Variants in GPM6A observed in about 807,000 individuals in gnomAD.
The protein encoded by GPM6A is neuronal membrane glycoprotein M6-a.
In GPM6A, 7 loss-of-function variants were observed where a neutral mutation model predicts 32.1. That is an observed-to-expected ratio of 0.22 (90% CI 0.12 to 0.41). The LOEUF (loss-of-function observed/expected upper bound fraction) is 0.41. Among genes scored for constraint, GPM6A ranks in the 10% least tolerant of loss-of-function variants. GPM6A has a pLI of 1.00. For synonymous variants in GPM6A, 130 were observed against 123.4 expected (o/e 1.05, Z -0.35); for missense variants, 235 against 347.2 (o/e 0.68, Z 2.57).
chr4:175,722,916 G>A (rs1746219971), intron 1 of GPM6A, among the ~76,000 whole-genome samples: 1 of 151,742 alleles, frequency 6.6e-6, no homozygotes, highest in Non-Finnish European at 1.5e-5. Context: ...GGGCATGGTG[G>A]TACACACCTG....
intron 1 of GPM6A, among the ~76,000 whole-genome samples, chr4:175,861,790 G>T (rs892823429): frequency 1.0e-4 from 15 of 146,566 alleles, no homozygotes; most frequent in Middle Eastern, 3.6e-3. Flanking sequence ...ACATAAATCT[G>T]ATTGCTAGAG....
At chr4:175,948,918 T>C (rs1273420734) in intron 1 of GPM6A, among the ~76,000 whole-genome samples, 1 of 137,308 alleles carries the variant, frequency 7.3e-6, no homozygotes, top group Non-Finnish European at 1.5e-5. Flanking sequence ...AAAGATGAGA[T>C]ACTTTTCTTA....
At chr4:175,779,059 A>C (rs1733510657) in intron 1 of GPM6A, among the ~76,000 whole-genome samples, 1 of 152,152 alleles carries the variant, frequency 6.6e-6, no homozygotes, top group African/African-American at 2.4e-5. Context: ...ATTCCAGAAA[A>C]AAAAGAATAA....
intron 1 of GPM6A, among the ~76,000 whole-genome samples, chr4:175,782,263 AT>A (rs1050482150): frequency 6.6e-6 from 1 of 151,956 alleles, no homozygotes; most frequent in East Asian, 1.9e-4. Context: ...TTTCTCAACG[AT>A]TTTTTTCCCT....
chr4:175,815,807 T>G (rs1253637809), upstream of GPM6A, among the ~76,000 whole-genome samples: 1 of 147,184 alleles, frequency 6.8e-6, no homozygotes, highest in African/African-American at 2.5e-5. Context: ...AACCTCTGCC[T>G]CCCGGATTCA....
chr4:175,635,775 T>A (rs1342155669), intron 6 of GPM6A, among the ~76,000 whole-genome samples: 1 of 152,154 alleles, frequency 6.6e-6, no homozygotes, highest in Non-Finnish European at 1.5e-5. Flanking sequence ...TTCTTTTCTT[T>A]CTTCCCTCTT....
chr4:175,911,906 G>A (rs912758768), intron 1 of GPM6A, among the ~76,000 whole-genome samples: 10 of 152,098 alleles, frequency 6.6e-5, no homozygotes, highest in Non-Finnish European at 1.3e-4. Context: ...GGCAGGAAAC[G>A]GAGTGACAAA....
At chr4:175,970,249 T>A (rs547486654) in intron 1 of GPM6A, among the ~76,000 whole-genome samples, 1 of 152,298 alleles carries the variant, frequency 6.6e-6, no homozygotes, top group Non-Finnish European at 1.5e-5. Flanking sequence ...CACACCAGAC[T>A]TGTGCTTTGT....
intron 1 of GPM6A, among the ~76,000 whole-genome samples, chr4:175,944,825 C>G (rs73871295): frequency 6.6e-6 from 1 of 151,998 alleles, no homozygotes; most frequent in African/African-American, 2.4e-5. Flanking sequence ...ACCAGCGCAA[C>G]ACTATTCCTA....
chr4:175,922,511 G>T (rs1437466356), intron 1 of GPM6A, among the ~76,000 whole-genome samples: 2 of 152,146 alleles, frequency 1.3e-5, no homozygotes, highest in African/African-American at 4.8e-5. Context: ...AAACTGGAAA[G>T]GTTCCCAAAG....
intron 1 of GPM6A, among the ~76,000 whole-genome samples, chr4:175,979,551 T>C (rs1387465067): frequency 6.6e-6 from 1 of 152,172 alleles, no homozygotes; most frequent in Non-Finnish European, 1.5e-5. Context: ...GCTTCATCCG[T>C]GCAACAAACC....
At chr4:175,811,139 C>T (rs1376999474) in intron 1 of GPM6A, among the ~76,000 whole-genome samples, 2 of 151,840 alleles carry the variant, frequency 1.3e-5, no homozygotes, top group Admixed American at 6.6e-5. Context: ...AGCTAAATGG[C>T]TAAAAATATG....
intron 3 of GPM6A, among the ~76,000 whole-genome samples, chr4:175,666,704 A>T (rs560854446): frequency 1.8e-4 from 28 of 152,296 alleles, no homozygotes; most frequent in African/African-American, 6.7e-4. Context: ...TTGAGCTGGA[A>T]TTAGCCAATT....
intron 2 of GPM6A, among the ~76,000 whole-genome samples, chr4:175,678,507 A>C (rs1290996197): frequency 3.3e-5 from 5 of 152,172 alleles, no homozygotes; most frequent in Non-Finnish European, 7.4e-5. Context: ...TCCTGTGACA[A>C]TATTTTTGAA....
intron 1 of GPM6A, among the ~76,000 whole-genome samples, chr4:175,979,364 C>T (rs1740756005): frequency 6.6e-6 from 1 of 152,132 alleles, no homozygotes; most frequent in Non-Finnish European, 1.5e-5. Context: ...GTCAATTATT[C>T]CGTTCTTAAG....
At chr4:175,898,920 T>C (rs1469989112) in intron 1 of GPM6A, among the ~76,000 whole-genome samples, 1 of 152,182 alleles carries the variant, frequency 6.6e-6, no homozygotes, top group Admixed American at 6.5e-5. Context: ...ACCTAAGAGT[T>C]TGCCAGGTAC....
intron 1 of GPM6A, among the ~76,000 whole-genome samples, chr4:175,765,126 G>A (rs542231610): frequency 6.6e-5 from 10 of 151,890 alleles, no homozygotes; most frequent in Non-Finnish European, 1.2e-4. Flanking sequence ...CACCCACCTC[G>A]GCCCCCACAA....
intron 1 of GPM6A, among the ~76,000 whole-genome samples, chr4:175,898,904 T>C (rs1737872742): frequency 6.6e-6 from 1 of 152,212 alleles, no homozygotes. Flanking sequence ...ACACCATTTG[T>C]TCAACACCTA....
At chr4:175,917,733 A>C (rs1251834259) in intron 1 of GPM6A, among the ~76,000 whole-genome samples, 1 of 152,124 alleles carries the variant, frequency 6.6e-6, no homozygotes, top group Non-Finnish European at 1.5e-5. Context: ...GAGTCGGTGC[A>C]AAAAACACAT....
Sources: allele counts gnomAD v4.1 joint callset (sites outside exome capture counted in the v4.1 genomes callset), GRCh38; gene constraint gnomAD v4.1.1; transcripts MANE v1.5; gene names NCBI Gene and HGNC (gene_info 2026-07-23, HGNC 2026-07-21).